The following SYN3 variants were observed in gnomAD, a reference collection of about 807,000 sequenced individuals.
SYN3 encodes synapsin-3.
A neutral mutation model predicts 65.8 loss-of-function variants in SYN3; 35 were observed. The ratio of observed to expected loss-of-function variants is 0.53; its 90% CI spans 0.41 to 0.70. The LOEUF is 0.70. Among genes scored for constraint, SYN3 ranks in the 30% least tolerant of loss-of-function variants. The probability of loss-of-function intolerance (pLI) is 0.00; values close to 1 mark genes in which losing one functional copy is unlikely to be tolerated. For synonymous variants in SYN3, 270 were observed against 292.9 expected, an observed-to-expected ratio of 0.92 and a Z score of 0.80; for missense variants, 680 against 749.0, an observed-to-expected ratio of 0.91 and a Z score of 1.08.
At chr22:32,849,802 A>T (rs1353694476) in intron 6 of SYN3, among the ~76,000 whole-genome samples, 7 of 152,172 alleles carry the variant, frequency 4.6e-5, no homozygotes, top group African/African-American at 1.7e-4. Flanking sequence ...GCCAGATGGC[A>T]GATAGCCTTG....
At chr22:32,926,361 C>T (rs1180900123) in intron 4 of SYN3, among the ~76,000 whole-genome samples, 1 of 152,214 alleles carries the variant, frequency 6.6e-6, no homozygotes, top group Non-Finnish European at 1.5e-5. Context: ...TTCTCCTAAT[C>T]TCCAATAATC....
intron 4 of SYN3, among the ~76,000 whole-genome samples, chr22:32,891,977 CTAATAA>C (rs57171093): frequency 6.1e-5 from 9 of 148,248 alleles, no homozygotes; most frequent in Non-Finnish European, 1.0e-4. Context: ...TCCTTTTTAG[CTAATAA>C]TAATAATAAT....
At chr22:32,776,601 T>C (rs2145803856) in intron 6 of SYN3, among the ~76,000 whole-genome samples, 1 of 152,300 alleles carries the variant, frequency 6.6e-6, no homozygotes, top group South Asian at 2.1e-4. Flanking sequence ...TTAGGCCACC[T>C]TGAGGCGAGC....
rs1446391093 is a variant in SYN3, at chr22:32,532,009, C to G, written c.1095+1784G>C. Among the ~76,000 whole-genome samples the G allele has an allele frequency of 5.3e-5, 8 of 150,572 alleles. No homozygotes were observed. The East Asian group carries it at 1.6e-3, about 29-fold the overall frequency. ...ATGAACACAGATTTTTTTTTTTTTC[C>G]CTAAGACTGAAAGCTGAGACCCGGA... On this transcript the variant is annotated intron_variant, in intron 10 of 13. Coordinates refer to ENST00000358763, the MANE Select transcript of SYN3 (RefSeq NM_003490.4).
At chr22:32,990,399 T>TCCAC (rs1398116662) in intron 2 of SYN3, among the ~76,000 whole-genome samples, 3 of 130,650 alleles carry the variant, frequency 2.3e-5, no homozygotes, top group African/African-American at 9.3e-5. Flanking sequence ...CATCCATCCA[T>TCCAC]CCATCCAGCC....
At chr22:32,615,846 G>T (rs375277959) in intron 6 of SYN3, among the ~76,000 whole-genome samples, 32 of 152,198 alleles carry the variant, frequency 2.1e-4, no homozygotes, top group African/African-American at 7.7e-4. Flanking sequence ...AGGTCTTCCT[G>T]GGAGAAAGGG....
intron 7 of SYN3, among the ~76,000 whole-genome samples, chr22:32,548,436 G>A (rs1197254188): frequency 6.6e-5 from 10 of 152,070 alleles, no homozygotes; most frequent in East Asian, 1.9e-4. Context: ...GCAGTGGCAC[G>A]ATCTCAGCTC....
At chr22:32,720,643 T>C (rs2061104111) in intron 6 of SYN3, among the ~76,000 whole-genome samples, 1 of 152,242 alleles carries the variant, frequency 6.6e-6, no homozygotes, top group African/African-American at 2.4e-5. Flanking sequence ...ACCACTGTGC[T>C]AACTGGCTGG....
At chr22:33,049,329 T>C (rs1366167547) in intron 1 of SYN3, among the ~76,000 whole-genome samples, 3 of 152,190 alleles carry the variant, frequency 2.0e-5, no homozygotes, top group Non-Finnish European at 2.9e-5. Flanking sequence ...GCTGGACAAC[T>C]CCACTACCAG....
chr22:32,541,712 A>T lies in SYN3; in HGVS notation c.776T>A (p.Ile259Asn). 6.2e-7 allele frequency: 1 copy of T among 1,613,564 alleles called. No homozygotes were observed. The highest frequency in any genetic ancestry group is 8.5e-7 in the Non-Finnish European group (1 of 1,179,842). Reference protein sequence around the residue: ...LGHAHAGMGKIKVENQLDFQD... With the variant: ...LGHAHAGMGKNKVENQLDFQD... ...GAAGTCAAGCTGGTTTTCCACTTTG[A>T]TCTGTGTGGGAGGATGAGGGGGATG... is the stretch of plus-strand genomic sequence containing the variant. Residue 259 changes from isoleucine to asparagine, a missense_variant and splice_region_variant, in exon 8 of 14, where the codon ATC becomes AAC. By Grantham distance (149) the Ile-to-Asn change is moderately radical (BLOSUM62 -3). Coordinates refer to ENST00000358763, the MANE Select transcript of SYN3 (RefSeq NM_003490.4).
At chr22:32,526,634 G>T (rs1480724263) in intron 12 of SYN3, among the ~76,000 whole-genome samples, 7 of 152,080 alleles carry the variant, frequency 4.6e-5, no homozygotes, top group Admixed American at 3.9e-4. Context: ...TCCTGCCTCA[G>T]CCTCCCGAGT....
chr22:32,612,889 AC>A (rs1343643395), intron 6 of SYN3, among the ~76,000 whole-genome samples: 1 of 152,110 alleles, frequency 6.6e-6, no homozygotes, highest in African/African-American at 2.4e-5. Context: ...CTGTGTCCTC[AC>A]CCAAATCTCA....
In SYN3 at chr22:32,510,716, T is replaced by G. The variant is rs1187428449; in HGVS notation, c.*2976A>C. On this transcript the variant is annotated 3_prime_UTR_variant, in exon 14 of 14. Transcript: ENST00000358763. Reference sequence around the variant, plus strand: ...GCTTGAATCTTGTAACAGGCTGCTCTTATAAGCAGTGCCCCAGATCCTTCT... The same window carrying G: ...GCTTGAATCTTGTAACAGGCTGCTCGTATAAGCAGTGCCCCAGATCCTTCT... Among the ~76,000 whole-genome samples the G allele has an allele frequency of 6.6e-6, 1 of 152,182 alleles. No homozygotes were observed. The highest frequency in any genetic ancestry group is 6.5e-5 in the Admixed American group (1 of 15,280).
At chr22:32,571,105 C>CATGTCCTAAATCATGACCACAG (rs2058753107) in intron 7 of SYN3, among the ~76,000 whole-genome samples, 1 of 152,118 alleles carries the variant, frequency 6.6e-6, no homozygotes, top group Non-Finnish European at 1.5e-5. Context: ...TGACCACAGT[C>CATGTCCTAAATCATGACCACAG]CACTCCATCT....
At chr22:33,032,784 C>A (rs1164319180) in intron 1 of SYN3, among the ~76,000 whole-genome samples, 1 of 152,136 alleles carries the variant, frequency 6.6e-6, no homozygotes, top group Non-Finnish European at 1.5e-5. Flanking sequence ...TCTCTAAAAC[C>A]CATCTATGAT....
intron 6 of SYN3, among the ~76,000 whole-genome samples, chr22:32,768,546 T>C (rs958515023): frequency 6.6e-6 from 1 of 152,228 alleles, no homozygotes; most frequent in African/African-American, 2.4e-5. Flanking sequence ...TATAATCAAC[T>C]GCTTCCTGGA....
rs552445404 is a variant in SYN3 at position 32,718,491 on chromosome 22, CT to C, written c.712-121756del. ...ATGAGACAAGTACTGTCTCATAGTC[CT>C]TTTTTCAAGGACTGAAAAAAAAAAA... On this transcript the variant is annotated intron_variant, in intron 6 of 13. Coordinates refer to ENST00000358763, the MANE Select transcript of SYN3 (RefSeq NM_003490.4). Among the ~76,000 whole-genome samples, 331 of 147,658 alleles carry C rather than the reference CT, an allele frequency of 2.2e-3. 1 individual carries two copies. The highest frequency in any genetic ancestry group is 3.5e-3 in the Non-Finnish European group (236 of 67,186).
At chr22:32,774,523 T>C (rs1252995899) in intron 6 of SYN3, among the ~76,000 whole-genome samples, 1 of 152,128 alleles carries the variant, frequency 6.6e-6, no homozygotes, top group Non-Finnish European at 1.5e-5. Flanking sequence ...TAGGGTGCTG[T>C]TGGAACACCA....
At chr22:32,864,794 G>C in intron 6 of SYN3, 121 bp downstream of exon 6, 1 of 874,896 alleles carries the variant, frequency 1.1e-6, no homozygotes, top group South Asian at 1.5e-5. Flanking sequence ...CTCCGCCTTA[G>C]AGTCTGCGTG....
Sources: gnomAD v4.1 joint callset for allele counts (sites outside exome capture counted in the v4.1 genomes callset) on GRCh38, gnomAD v4.1.1 for gene constraint, MANE v1.5 for transcripts, NCBI Gene and HGNC (gene_info 2026-07-23, HGNC 2026-07-21) for gene names.